The following DTD1 variants were observed in gnomAD, a reference collection of about 807,000 sequenced individuals.
The protein encoded by DTD1 is D-aminoacyl-tRNA deacylase 1, also known as D-tyrosyl-tRNA deacylase 1 homolog.
In DTD1, 13 loss-of-function variants were observed where a neutral mutation model predicts 25.6. The ratio of observed to expected loss-of-function variants is 0.51; its 90% CI spans 0.33 to 0.81. The LOEUF (loss-of-function observed/expected upper bound fraction) is 0.81. Among genes scored for constraint, DTD1 ranks in the 30% least tolerant of loss-of-function variants. DTD1 has a pLI of 0.02. For synonymous variants in DTD1, 110 were observed against 103.6 expected (o/e 1.06, Z -0.37); for missense variants, 193 against 266.4 (o/e 0.72, Z 1.92).
At chr20:18,695,194 T>C (rs1334770195) in intron 4 of DTD1, among the ~76,000 whole-genome samples, 3 of 151,966 alleles carry the variant, frequency 2.0e-5, no homozygotes, top group Non-Finnish European at 2.9e-5. Context: ...GATTCACACA[T>C]AGAGCTGGAG....
intron 3 of DTD1, among the ~76,000 whole-genome samples, chr20:18,612,212 TTTTAGTAGAGACGGGGTTTCACCG>T (rs1673667046): frequency 6.6e-6 from 1 of 151,618 alleles, no homozygotes; most frequent in East Asian, 1.9e-4. Flanking sequence ...TTTTTTGTAT[TTTTAGTAGAGACGGGGTTTCACCG>T]TTTTAGCCGG....
At chr20:18,718,100 A>G (rs1230836088) in intron 4 of DTD1, among the ~76,000 whole-genome samples, 1 of 152,232 alleles carries the variant, frequency 6.6e-6, no homozygotes, top group Non-Finnish European at 1.5e-5. Flanking sequence ...TTTCTTAACC[A>G]GTCTTTACCA....
intron 4 of DTD1, among the ~76,000 whole-genome samples, chr20:18,713,713 A>G (rs1299324237): frequency 1.3e-5 from 2 of 152,036 alleles, no homozygotes; most frequent in Non-Finnish European, 2.9e-5. Context: ...TCGTTCATGC[A>G]CTTTCTCTAG....
At chr20:18,706,898 T>G (rs144480353) in intron 4 of DTD1, among the ~76,000 whole-genome samples, 1 of 152,340 alleles carries the variant, frequency 6.6e-6, no homozygotes, top group East Asian at 1.9e-4. Flanking sequence ...ATATTTTAAT[T>G]GAATGTTTCG....
At chr20:18,613,139 C>T (rs2060694572) in intron 3 of DTD1, among the ~76,000 whole-genome samples, 1 of 152,132 alleles carries the variant, frequency 6.6e-6, no homozygotes, top group Admixed American at 6.5e-5. Flanking sequence ...GGATTTTAGT[C>T]CTGTTTCTGC....
At chr20:18,610,847 G>A (rs971732434) in intron 3 of DTD1, among the ~76,000 whole-genome samples, 32 of 152,214 alleles carry the variant, frequency 2.1e-4, no homozygotes, top group Admixed American at 1.5e-3. Flanking sequence ...AGGAGATTGA[G>A]GCTGCAGTGA....
intron 4 of DTD1, among the ~76,000 whole-genome samples, chr20:18,649,320 A>ATCTT (rs1476025948): frequency 2.8e-4 from 19 of 68,618 alleles, no homozygotes; most frequent in Admixed American, 1.3e-3. Flanking sequence ...TCAGCCATTC[A>ATCTT]TCTTTCTTTT....
At chr20:18,711,117 G>A (rs1011637224) in intron 4 of DTD1, among the ~76,000 whole-genome samples, 2 of 152,208 alleles carry the variant, frequency 1.3e-5, no homozygotes, top group African/African-American at 2.4e-5. Context: ...GCTCCATGGA[G>A]TGGTGGGAGC....
Position 18,737,407 on chromosome 20 carries a change from C to A in DTD1, c.478-6693C>A, listed in dbSNP as rs185248392. On this transcript the variant is annotated intron_variant, in intron 4 of 5. Coordinates refer to ENST00000377452, the MANE Select transcript of DTD1 (RefSeq NM_080820.6). ...TTGGGGCTTGCCTGCCCTGGAGACC[C>A]CCCCATACTTTGGCCACCCAGTGGC... is the stretch of plus-strand genomic sequence containing the variant. Among the ~76,000 whole-genome samples the A allele has an allele frequency of 1.3e-3, 199 of 152,340 alleles. 1 individual carries two copies. The highest frequency in any genetic ancestry group is 4.6e-3 in the African/African-American group (193 of 41,588).
rs2061290471 is a variant in DTD1 at position 18,744,167 on chromosome 20, G to A, written c.545G>A (p.Ser182Asn). 1 of 1,612,408 alleles carries A rather than the reference G, an allele frequency of 6.2e-7. No individual in the cohort carries two copies. The highest frequency in any genetic ancestry group is 8.5e-7 in the Non-Finnish European group (1 of 1,180,026). Residue 182 changes from serine (S) to asparagine (N), a missense_variant, in exon 5 of 6, where the codon AGC (serine) becomes AAC (asparagine). Transcript: ENST00000377452. ...KTRAKGPSES[S>N]KERNTPRKED... is the part of the protein sequence containing the mutation. ...AGAGCTAAGGGACCTTCTGAATCAAGCAAGGAAAGAAACACTCCCCGAAAA... is the reference window on the plus strand; with the variant it reads ...AGAGCTAAGGGACCTTCTGAATCAAACAAGGAAAGAAACACTCCCCGAAAA...
At chr20:18,732,940 A>G (rs2061243499) in intron 4 of DTD1, among the ~76,000 whole-genome samples, 1 of 152,220 alleles carries the variant, frequency 6.6e-6, no homozygotes, top group South Asian at 2.1e-4. Flanking sequence ...GGGCCAGATA[A>G]TGAGTTACAC....
At chr20:18,733,409 T>C (rs1027553534) in intron 4 of DTD1, among the ~76,000 whole-genome samples, 1 of 152,140 alleles carries the variant, frequency 6.6e-6, no homozygotes, top group African/African-American at 2.4e-5. Context: ...ACCTCTGGGC[T>C]GGGGGACACA....
chr20:18,642,415 C>T (rs1447837161), intron 4 of DTD1, among the ~76,000 whole-genome samples: 1 of 152,074 alleles, frequency 6.6e-6, no homozygotes, highest in Non-Finnish European at 1.5e-5. Context: ...CTGCCTCCTA[C>T]AGTTCTTTTT....
chr20:18,678,858 C>T (rs750850893), intron 4 of DTD1: 4 of 152,138 alleles, frequency 2.6e-5, no homozygotes, highest in Non-Finnish European at 5.9e-5. Context: ...ATTTTCTTCT[C>T]AGTATGTCGT....
chr20:18,713,351 CTTG>C (rs113905671), intron 4 of DTD1, among the ~76,000 whole-genome samples: 6 of 152,350 alleles, frequency 3.9e-5, no homozygotes, highest in African/African-American at 1.4e-4. Flanking sequence ...GAAATGTCCT[CTTG>C]TTAAAATCTT....
rs190509704 is a variant in DTD1 at position 18,651,836 on chromosome 20, A to C, written c.477+23603A>C. ...AGATCTAGGCTAAGAACACTGCCCC[A>C]AAAGATTAGGGCATAGGGCTTGCCA... is the stretch of plus-strand genomic sequence containing the variant. On this transcript the variant is annotated intron_variant, in intron 4 of 5. Transcript: ENST00000377452. Among the ~76,000 whole-genome samples the C allele has an allele frequency of 3.4e-3, 515 of 152,344 alleles. 2 individuals are homozygous for C. The highest frequency in any genetic ancestry group is 0.012 in the African/African-American group (485 of 41,576).
intron 3 of DTD1, among the ~76,000 whole-genome samples, chr20:18,614,464 C>A (rs6081245): frequency 0.32 from 47,968 of 151,974 alleles, 8,285 homozygotes; most frequent in South Asian, 0.42. Context: ...ACGGCCAGGT[C>A]CCCAGTAAAG....
At chr20:18,609,204 G>A (rs1373749894) in intron 3 of DTD1, among the ~76,000 whole-genome samples, 2 of 151,458 alleles carry the variant, frequency 1.3e-5, no homozygotes, top group Non-Finnish European at 2.9e-5. Context: ...GCAGTGGTAC[G>A]AGATCTCCGC....
intron 4 of DTD1, among the ~76,000 whole-genome samples, chr20:18,725,204 A>G (rs547029246): frequency 2.0e-5 from 3 of 152,286 alleles, no homozygotes; most frequent in African/African-American, 7.2e-5. Flanking sequence ...ATTTCTAGGG[A>G]AGGGATAGTA....
Sources: allele counts gnomAD v4.1 joint callset (sites outside exome capture counted in the v4.1 genomes callset), GRCh38; gene constraint gnomAD v4.1.1; transcripts MANE v1.5; gene names NCBI Gene and HGNC (gene_info 2026-07-23, HGNC 2026-07-21).